The following NELL2 variants were observed in gnomAD, a reference collection of about 807,000 sequenced individuals.
The protein encoded by NELL2 is neural EGFL like 2.
A neutral mutation model predicts 109.6 loss-of-function variants in NELL2; 41 were observed. That is an observed-to-expected ratio of 0.37 (90% confidence interval 0.29 to 0.49). The LOEUF is 0.49. Among genes scored for constraint, NELL2 ranks in the 20% least tolerant of loss-of-function variants. The pLI is 0.98. For synonymous variants in NELL2, 355 were observed against 344.7 expected, an observed-to-expected ratio of 1.03 and a Z score of -0.33; for missense variants, 900 against 1,008.3, an observed-to-expected ratio of 0.89 and a Z score of 1.45.
At chr12:44,823,016 A>G (rs920179212) in intron 2 of NELL2, among the ~76,000 whole-genome samples, 40 of 152,208 alleles carry the variant, frequency 2.6e-4, no homozygotes, top group African/African-American at 9.6e-4. Flanking sequence ...TGTACTTAAT[A>G]CAATTATGTA....
chr12:44,688,075 T>C (rs1226719369), intron 12 of NELL2, among the ~76,000 whole-genome samples: 1 of 152,154 alleles, frequency 6.6e-6, no homozygotes, highest in African/African-American at 2.4e-5. Context: ...AAAAATAACA[T>C]GAATCCCCAT....
chr12:44,659,028 G>A (rs530215015), intron 13 of NELL2, among the ~76,000 whole-genome samples: 94 of 152,108 alleles, frequency 6.2e-4, no homozygotes, highest in African/African-American at 2.1e-3. Context: ...ACAGAACACA[G>A]GCCTCAGAAA....
At chr12:44,580,723 A>T (rs561187028) in intron 15 of NELL2, among the ~76,000 whole-genome samples, 2 of 152,234 alleles carry the variant, frequency 1.3e-5, no homozygotes, top group South Asian at 4.1e-4. Context: ...AAAGAAACAA[A>T]CAAACAAAAA....
chr12:44,914,611 T>G (rs1945812663), upstream of NELL2, among the ~76,000 whole-genome samples: 1 of 152,202 alleles, frequency 6.6e-6, no homozygotes, highest in African/African-American at 2.4e-5. Context: ...TGAAAATTCA[T>G]GAGCACAAGA....
At chr12:44,645,929 T>A (rs1022720527) in intron 13 of NELL2, among the ~76,000 whole-genome samples, 1 of 152,152 alleles carries the variant, frequency 6.6e-6, no homozygotes, top group African/African-American at 2.4e-5. Flanking sequence ...TAGAATTTTA[T>A]ATAAGCAAAT....
chr12:44,573,454 A>G (rs1943947941), intron 15 of NELL2, among the ~76,000 whole-genome samples: 1 of 152,258 alleles, frequency 6.6e-6, no homozygotes, highest in Non-Finnish European at 1.5e-5. Context: ...AGCACTTAAT[A>G]GGAAGATATC....
chr12:44,842,832 C>A (rs1434059914), intron 2 of NELL2, among the ~76,000 whole-genome samples: 1 of 151,474 alleles, frequency 6.6e-6, no homozygotes, highest in African/African-American at 2.4e-5. Flanking sequence ...GACACGCACA[C>A]AGAGGGAAGA....
chr12:44,562,850 A>G (rs1328623040), intron 15 of NELL2, among the ~76,000 whole-genome samples: 1 of 152,232 alleles, frequency 6.6e-6, no homozygotes, highest in Non-Finnish European at 1.5e-5. Flanking sequence ...TTATTCTACT[A>G]TAAAGACACA....
chr12:44,777,868 C>T (rs903640485), intron 5 of NELL2, among the ~76,000 whole-genome samples: 4 of 152,108 alleles, frequency 2.6e-5, no homozygotes, highest in African/African-American at 9.7e-5. Flanking sequence ...CTTATGAGTA[C>T]AGAAAGTTTA....
chr12:44,904,078 C>A (rs139185414), intron 1 of NELL2, among the ~76,000 whole-genome samples: 1 of 151,752 alleles, frequency 6.6e-6, no homozygotes, highest in East Asian at 1.9e-4. Context: ...AACTTAGAAT[C>A]TTTAAAATCT....
rs1941244065 is a variant in NELL2 at position 44,764,340 on chromosome 12, T to A, written c.994+10407A>T. Among the ~76,000 whole-genome samples, 3 of 152,216 alleles carry A rather than the reference T, an allele frequency of 2.0e-5. No homozygotes were observed. The South Asian group carries it at 6.2e-4, about 32-fold the overall frequency. On this transcript the variant is annotated intron_variant, in intron 9 of 19. Coordinates refer to ENST00000429094, the MANE Select transcript of NELL2 (RefSeq NM_001145108.2). The stretch of plus-strand genomic sequence containing the variant: ...GAATTGATAGTTTCTGTTCCATGTA[T>A]GAAGTCTTACAAAGTAATGAAAAGT...
chr12:44,673,572 C>T (rs761095926), intron 12 of NELL2, among the ~76,000 whole-genome samples: 2 of 152,186 alleles, frequency 1.3e-5, no homozygotes, highest in African/African-American at 4.8e-5. Context: ...CTGACATAAG[C>T]TGGTTATGTT....
intron 13 of NELL2, among the ~76,000 whole-genome samples, chr12:44,620,470 T>C (rs1010898056): frequency 3.3e-5 from 5 of 152,146 alleles, no homozygotes; most frequent in Non-Finnish European, 5.9e-5. Context: ...ATGGCAATCT[T>C]GCAGTATCTC....
intron 15 of NELL2, among the ~76,000 whole-genome samples, chr12:44,548,556 AAC>A (rs1483191026): frequency 1.3e-4 from 19 of 151,790 alleles, no homozygotes; most frequent in Admixed American, 9.2e-4. Flanking sequence ...AAAAAAAAAA[AAC>A]AAAAGAAAAA....
At chr12:44,748,958 A>C (rs1259069570) in intron 9 of NELL2, among the ~76,000 whole-genome samples, 2 of 152,184 alleles carry the variant, frequency 1.3e-5, no homozygotes, top group Non-Finnish European at 2.9e-5. Flanking sequence ...AATAATTTAC[A>C]GACTATAAAA....
intron 9 of NELL2, among the ~76,000 whole-genome samples, chr12:44,759,552 A>G (rs1335646407): frequency 2.0e-5 from 3 of 152,214 alleles, no homozygotes; most frequent in Non-Finnish European, 2.9e-5. Context: ...TAACAGATAT[A>G]CAAGCAAGCC....
chr12:44,822,414 T>C (rs1943575258), intron 2 of NELL2, among the ~76,000 whole-genome samples: 2 of 152,240 alleles, frequency 1.3e-5, no homozygotes. Flanking sequence ...TGAAAATTGA[T>C]ATACAAGTTT....
chr12:44,510,941 T>C (rs1008733850), intron 19 of NELL2, among the ~76,000 whole-genome samples: 1 of 152,192 alleles, frequency 6.6e-6, no homozygotes. Flanking sequence ...AACAAAGTGA[T>C]GGGTGTACCA....
Position 44,520,068 on chromosome 12 carries a change from C to A in NELL2, c.2337G>T (p.Val779=). 1 of 1,614,138 alleles carries A rather than the reference C, an allele frequency of 6.2e-7. No homozygotes were observed. Among genetic ancestry groups the A allele is most frequent in the Non-Finnish European group, 8.5e-7 (1 of 1,180,040 alleles). Residue 779 remains valine, a synonymous_variant, in exon 19 of 20, where the codon GTG becomes GTT. Transcript: ENST00000429094. ...ITKTCLDEMN[V]VRFTGSSWIK... ...TCCAAGAGGACCCGGTGAAGCGAAC[C>A]ACATTCATTTCGTCCAGGCAAGTCT...
Sources: allele counts gnomAD v4.1 joint callset (sites outside exome capture counted in the v4.1 genomes callset), GRCh38; gene constraint gnomAD v4.1.1; transcripts MANE v1.5; gene names NCBI Gene and HGNC (gene_info 2026-07-23, HGNC 2026-07-21).